The following DACH1 variants were observed in gnomAD, a reference collection of about 807,000 sequenced individuals.
DACH1 encodes dachshund homolog 1.
Under a neutral mutation model 54.2 loss-of-function variants are expected in DACH1, and 12 were observed. The ratio of observed to expected loss-of-function variants is 0.22; its 90% CI spans 0.14 to 0.36. DACH1 has a LOEUF of 0.36. DACH1 is among the 10% of genes least tolerant of loss of function. The probability of loss-of-function intolerance (pLI) is 1.00; values close to 1 mark genes in which losing one functional copy is unlikely to be tolerated. For missense variants in DACH1, 805 were observed against 929.8 expected (o/e 0.87, Z 1.75); for synonymous variants, 386 against 366.2 (o/e 1.05, Z -0.62).
chr13:71,533,899 C>T (rs567184716), intron 6 of DACH1, among the ~76,000 whole-genome samples: 13 of 152,120 alleles, frequency 8.5e-5, no homozygotes, highest in Middle Eastern at 3.4e-3. Flanking sequence ...TTTTTCTCCA[C>T]CCCACCCCAG....
chr13:71,802,000 G>A (rs192808746), intron 1 of DACH1, among the ~76,000 whole-genome samples: 4 of 152,054 alleles, frequency 2.6e-5, no homozygotes, highest in East Asian at 1.9e-4. Flanking sequence ...AACAAAAGCC[G>A]AGGAGCTCCA....
chr13:71,456,160 A>G (rs572623125), intron 10 of DACH1, among the ~76,000 whole-genome samples: 105 of 152,270 alleles, frequency 6.9e-4, no homozygotes, highest in African/African-American at 2.4e-3. Flanking sequence ...CTCAGCATAT[A>G]TTAAATTTCA....
intron 7 of DACH1, among the ~76,000 whole-genome samples, chr13:71,486,215 TA>T (rs1312464551): frequency 2.0e-5 from 3 of 151,964 alleles, no homozygotes; most frequent in Non-Finnish European, 4.4e-5. Flanking sequence ...GAAAACACGT[TA>T]TTTTAAAGGG....
intron 6 of DACH1, among the ~76,000 whole-genome samples, chr13:71,500,806 TTCTA>T (rs1879852282): frequency 6.6e-6 from 1 of 152,030 alleles, no homozygotes; most frequent in South Asian, 2.1e-4. Context: ...TCACTCAAAC[TTCTA>T]TCTAAGAGGC....
intron 2 of DACH1, among the ~76,000 whole-genome samples, chr13:71,668,018 G>A (rs1446985833): frequency 6.6e-6 from 1 of 151,904 alleles, no homozygotes; most frequent in Non-Finnish European, 1.5e-5. Flanking sequence ...ATAAATGAAG[G>A]TATCCAAATA....
intron 10 of DACH1, among the ~76,000 whole-genome samples, chr13:71,459,079 C>T (rs1450187646): frequency 1.3e-5 from 2 of 151,746 alleles, no homozygotes; most frequent in South Asian, 2.1e-4. Flanking sequence ...AATATTATTA[C>T]TTTTAATTCA....
chr13:71,621,164 C>G (rs1445835428), intron 3 of DACH1, among the ~76,000 whole-genome samples: 1 of 151,832 alleles, frequency 6.6e-6, no homozygotes, highest in African/African-American at 2.4e-5. Context: ...AGCTATTACT[C>G]CCAGCCTACA....
chr13:71,550,912 A>G (rs1883771254), intron 6 of DACH1, among the ~76,000 whole-genome samples: 1 of 152,138 alleles, frequency 6.6e-6, no homozygotes, highest in African/African-American at 2.4e-5. Context: ...ATATATTTAG[A>G]TGGTATAAGT....
chr13:71,573,892 G>T (rs905859885), intron 3 of DACH1, among the ~76,000 whole-genome samples: 1 of 151,976 alleles, frequency 6.6e-6, no homozygotes, highest in African/African-American at 2.4e-5. Flanking sequence ...TTACTCCTTG[G>T]AACTGAAACA....
At chr13:71,480,947 C>A (rs1242133789) in intron 7 of DACH1, among the ~76,000 whole-genome samples, 1 of 20,120 alleles carries the variant, frequency 5.0e-5, no homozygotes, top group African/African-American at 5.9e-5. Flanking sequence ...CAGGTTGCCC[C>A]TCCCCACTCT....
intron 1 of DACH1, among the ~76,000 whole-genome samples, chr13:71,806,517 C>G (rs895992255): frequency 1.3e-5 from 2 of 152,046 alleles, no homozygotes; most frequent in Non-Finnish European, 2.9e-5. Flanking sequence ...GCCTTATAGG[C>G]AGTCAGCCAC....
intron 2 of DACH1, among the ~76,000 whole-genome samples, chr13:71,646,118 A>C (rs1878243757): frequency 6.6e-6 from 1 of 152,150 alleles, no homozygotes; most frequent in Non-Finnish European, 1.5e-5. Context: ...AAGGCAGATC[A>C]CAAGGTCAGG....
intron 2 of DACH1, among the ~76,000 whole-genome samples, chr13:71,648,063 C>A (rs187454780): frequency 1.9e-4 from 29 of 152,146 alleles, no homozygotes; most frequent in African/African-American, 6.7e-4. Context: ...GAAATAGCAC[C>A]CAATTGCTTT....
At chr13:71,552,878 GAGAA>G (rs1566335870) in intron 6 of DACH1, among the ~76,000 whole-genome samples, 13 of 128,308 alleles carry the variant, frequency 1.0e-4, no homozygotes, top group East Asian at 4.6e-4. Flanking sequence ...GAGAGAGAGA[GAGAA>G]AGAGACAGAA....
At chr13:71,760,836 C>T (rs1885374316) in intron 1 of DACH1, among the ~76,000 whole-genome samples, 1 of 152,174 alleles carries the variant, frequency 6.6e-6, no homozygotes, top group Admixed American at 6.5e-5. Context: ...TCATCATCTT[C>T]ACTACCCATC....
intron 1 of DACH1, among the ~76,000 whole-genome samples, chr13:71,778,828 G>A (rs1243165064): frequency 6.6e-6 from 1 of 151,798 alleles, no homozygotes; most frequent in African/African-American, 2.4e-5. Flanking sequence ...GTTACCCTAG[G>A]AGAAACACTG....
intron 1 of DACH1, among the ~76,000 whole-genome samples, chr13:71,701,869 G>C (rs1223881037): frequency 2.0e-5 from 3 of 152,074 alleles, no homozygotes; most frequent in Non-Finnish European, 4.4e-5. Context: ...CTTTTCAACA[G>C]GGGAGCCTAA....
At chr13:71,715,115 T>C (rs1882905553) in intron 1 of DACH1, among the ~76,000 whole-genome samples, 1 of 152,110 alleles carries the variant, frequency 6.6e-6, no homozygotes, top group Admixed American at 6.6e-5. Context: ...GCATGACTCA[T>C]AAATTTTAGA....
rs1876598480 is a variant in DACH1, at chr13:71,466,648, GC to G, written c.2083+8492del. ...GCTTGAGCTCAGGAGTTCGAGATCA[GC>G]CTGAGCAACATGGCAAAACCCTGTG... is the stretch of plus-strand genomic sequence containing the variant. On this transcript the variant is annotated intron_variant, in intron 10 of 10. Coordinates refer to ENST00000613252, the MANE Select transcript of DACH1 (RefSeq NM_080759.6). Among the ~76,000 whole-genome samples, 4 of 152,166 alleles carry G rather than the reference GC, an allele frequency of 2.6e-5. No homozygotes were observed. In the South Asian group the frequency reaches 8.3e-4, roughly 32 times the overall value.
Sources: allele counts gnomAD v4.1 joint callset (sites outside exome capture counted in the v4.1 genomes callset), GRCh38; gene constraint gnomAD v4.1.1; transcripts MANE v1.5; gene names NCBI Gene and HGNC (gene_info 2026-07-23, HGNC 2026-07-21).